SYN3: variants seen among roughly 807,000 people sequenced by gnomAD.
The protein encoded by SYN3 is synapsin III, also known as synapsin-3.
In SYN3, 35 loss-of-function variants were observed where a neutral mutation model predicts 65.8. That is an observed-to-expected ratio of 0.53 (90% CI 0.41 to 0.70). The LOEUF (loss-of-function observed/expected upper bound fraction) is 0.70. Among genes scored for constraint, SYN3 ranks in the 30% least tolerant of loss-of-function variants. SYN3 has a pLI of 0.00. For synonymous variants in SYN3, 270 were observed against 292.9 expected (o/e 0.92, Z 0.80); for missense variants, 680 against 749.0 (o/e 0.91, Z 1.08).
At chr22:32,768,470 C>G (rs1308169813) in intron 6 of SYN3, among the ~76,000 whole-genome samples, 1 of 152,130 alleles carries the variant, frequency 6.6e-6, no homozygotes, top group Non-Finnish European at 1.5e-5. Context: ...CAGGTTCAAT[C>G]GCCACCTCTT....
chr22:32,957,578 A>T (rs1171417405), intron 3 of SYN3, among the ~76,000 whole-genome samples: 2 of 152,180 alleles, frequency 1.3e-5, no homozygotes, highest in Non-Finnish European at 2.9e-5. Flanking sequence ...GGCACAGCTT[A>T]TGTGTTTATT....
chr22:32,907,709 A>G (rs2049939819), intron 4 of SYN3, among the ~76,000 whole-genome samples: 1 of 152,220 alleles, frequency 6.6e-6, no homozygotes, highest in Non-Finnish European at 1.5e-5. Flanking sequence ...GGAAATAAAA[A>G]ACAATAAAGA....
intron 6 of SYN3, among the ~76,000 whole-genome samples, chr22:32,763,589 C>T (rs992508648): frequency 6.6e-6 from 1 of 152,228 alleles, no homozygotes; most frequent in African/African-American, 2.4e-5. Context: ...AGCCAGGACT[C>T]AAATCCAGAC....
intron 6 of SYN3, among the ~76,000 whole-genome samples, chr22:32,670,850 G>C (rs1159158004): frequency 6.6e-6 from 1 of 152,248 alleles, no homozygotes; most frequent in Non-Finnish European, 1.5e-5. Flanking sequence ...AATGAGGTAA[G>C]TGTGGGACGT....
In SYN3 at chr22:33,009,968, C is replaced by G. The variant is rs1367772940; in HGVS notation, c.-162-3144G>C. On this transcript the variant is annotated intron_variant, in intron 1 of 13. Coordinates refer to ENST00000358763, the MANE Select transcript of SYN3 (RefSeq NM_003490.4). ...CTCTGCCAGGCTGGGCGTGGTGGCT[C>G]ACGCCTGTAATCCCAGCACTTTGGG... Among the ~76,000 whole-genome samples, 3 of 152,150 alleles carry G rather than the reference C, an allele frequency of 2.0e-5. No individual in the cohort carries two copies. The East Asian group carries it at 5.8e-4, about 29-fold the overall frequency.
chr22:32,988,307 A>AAATAATAATAATAATAATAAT, intron 2 of SYN3, among the ~76,000 whole-genome samples: 1 of 142,610 alleles, frequency 7.0e-6, no homozygotes, highest in East Asian at 2.1e-4. Flanking sequence ...CTCTGTCTCA[A>AAATAATAATAATAATAATAAT]AATAATAATA....
At chr22:32,951,858 A>G (rs772762192) in intron 3 of SYN3, among the ~76,000 whole-genome samples, 1 of 152,162 alleles carries the variant, frequency 6.6e-6, no homozygotes, top group Non-Finnish European at 1.5e-5. Context: ...TGTGCACACC[A>G]GTTTGCAGCA....
chr22:32,910,863 T>C (rs1416485368), intron 4 of SYN3, among the ~76,000 whole-genome samples: 1 of 152,190 alleles, frequency 6.6e-6, no homozygotes, highest in Non-Finnish European at 1.5e-5. Flanking sequence ...CTAGATTTTA[T>C]CTAACCTTTA....
At position 32,574,845 on chromosome 22, in the gene SYN3, C is replaced by T. The variant is rs369135096; in HGVS notation, c.774+21829G>A. Among the ~76,000 whole-genome samples the T allele has an allele frequency of 5.9e-5, 9 of 152,344 alleles. No individual in the cohort carries two copies. The South Asian group carries it at 1.7e-3, about 28-fold the overall frequency. On this transcript the variant is annotated intron_variant, in intron 7 of 13. Coordinates refer to ENST00000358763, the MANE Select transcript of SYN3 (RefSeq NM_003490.4). The stretch of plus-strand genomic sequence containing the variant: ...CATTACTCTGTTTTGTGTTTTTCCT[C>T]GCACTTAGCACTGTCTGAAATTATT...
rs1327727528 is a variant in SYN3 at position 33,026,948 on chromosome 22, G to A, written c.-162-20124C>T. Reference sequence around the variant, plus strand: ...CCAGAGGCTCGTTCTTGGGAACTCCGTCTTTCTTCCCTTCTTTATTTTCTT... The same window carrying A: ...CCAGAGGCTCGTTCTTGGGAACTCCATCTTTCTTCCCTTCTTTATTTTCTT... On this transcript the variant is annotated intron_variant, in intron 1 of 13. Coordinates refer to ENST00000358763, the MANE Select transcript of SYN3 (RefSeq NM_003490.4). Among the ~76,000 whole-genome samples the A allele has an allele frequency of 3.3e-5, 5 of 152,222 alleles. No individual in the cohort carries two copies. In the East Asian group the frequency reaches 5.8e-4, roughly 18 times the overall value.
At position 32,898,477 on chromosome 22, in the gene SYN3, G is replaced by A. The variant is rs75475223; in HGVS notation, c.462-29352C>T. On this transcript the variant is annotated intron_variant, in intron 4 of 13. Transcript: ENST00000358763. Reference sequence around the variant, plus strand: ...TCACACTTGTAGCTACTCATCTGTTGTCCACCTATCTGCATACATCTGCAG... The same window carrying A: ...TCACACTTGTAGCTACTCATCTGTTATCCACCTATCTGCATACATCTGCAG... Among the ~76,000 whole-genome samples the A allele has an allele frequency of 7.7e-3, 1,172 of 152,252 alleles. 7 individuals carry two copies. The highest frequency in any genetic ancestry group is 0.025 in the East Asian group (129 of 5,176).
chr22:32,965,915 C>T (rs1040698091), intron 3 of SYN3, among the ~76,000 whole-genome samples: 10 of 152,102 alleles, frequency 6.6e-5, no homozygotes, highest in East Asian at 1.9e-4. Flanking sequence ...AAGGTGGTCT[C>T]GATCTCCTGA....
intron 6 of SYN3, among the ~76,000 whole-genome samples, chr22:32,617,411 C>T (rs758776883): frequency 2.0e-5 from 3 of 151,452 alleles, no homozygotes; most frequent in South Asian, 4.2e-4. Context: ...AATACGGAGG[C>T]GCCTCACATC....
intron 6 of SYN3, among the ~76,000 whole-genome samples, chr22:32,613,174 GCCT>G (rs1023396864): frequency 4.6e-5 from 7 of 151,302 alleles, no homozygotes; most frequent in African/African-American, 1.2e-4. Flanking sequence ...ACTCAATTAA[GCCT>G]CCTTTTTTTT....
intron 6 of SYN3, among the ~76,000 whole-genome samples, chr22:32,835,775 C>A (rs1352963971): frequency 6.6e-6 from 1 of 152,212 alleles, no homozygotes; most frequent in Non-Finnish European, 1.5e-5. Flanking sequence ...CCTTTGTCTG[C>A]AAGCCAAGGT....
intron 6 of SYN3, among the ~76,000 whole-genome samples, chr22:32,766,946 G>C (rs570019098): frequency 2.6e-5 from 4 of 152,072 alleles, no homozygotes; most frequent in Non-Finnish European, 5.9e-5. Flanking sequence ...TAGACAGTTG[G>C]GTATCCACAG....
chr22:32,772,803 T>A (rs543685955), intron 6 of SYN3, among the ~76,000 whole-genome samples: 4 of 100,618 alleles, frequency 4.0e-5, no homozygotes, highest in Non-Finnish European at 7.8e-5. Context: ...AGGGACTCTC[T>A]CCTCAGGCCA....
chr22:33,056,459 T>G (rs2054255394), intron 1 of SYN3, among the ~76,000 whole-genome samples: 1 of 152,146 alleles, frequency 6.6e-6, no homozygotes, highest in Non-Finnish European at 1.5e-5. Context: ...GAGTCCCTAG[T>G]CAGGAACTGT....
chr22:32,819,767 A>G (rs1254887449), intron 6 of SYN3, among the ~76,000 whole-genome samples: 2 of 152,216 alleles, frequency 1.3e-5, no homozygotes, highest in Non-Finnish European at 2.9e-5. Context: ...ATTCTGAAAC[A>G]GCAAACTTGC....
Sources: allele counts gnomAD v4.1 joint callset (sites outside exome capture counted in the v4.1 genomes callset), GRCh38; gene constraint gnomAD v4.1.1; transcripts MANE v1.5; gene names NCBI Gene and HGNC (gene_info 2026-07-23, HGNC 2026-07-21).